The following ACOXL variants were observed in gnomAD, a reference collection of about 807,000 sequenced individuals.
The protein encoded by ACOXL is acyl-CoA oxidase like, also known as acyl-coenzyme A oxidase-like protein.
A neutral mutation model predicts 71.9 loss-of-function variants in ACOXL; 70 were observed. The observed-to-expected ratio is 0.97, with a 90% CI of 0.80 to 1.19. The LOEUF is 1.19. Among genes scored for constraint, ACOXL ranks in the 50% most tolerant of loss-of-function variants. ACOXL has a pLI of 0.00. For missense variants in ACOXL, 703 were observed against 736.3 expected (o/e 0.95, Z 0.52); for synonymous variants, 253 against 281.6 (o/e 0.90, Z 1.02).
intron 8 of ACOXL, 151 bp from the exon 9 acceptor site, chr2:110,805,112 C>G: frequency 2.0e-6 from 2 of 991,258 alleles, no homozygotes; most frequent in Non-Finnish European, 3.0e-6. Flanking sequence ...GGGACTCCCC[C>G]TGCCCTTATC....
chr2:110,783,388 A>C (rs1016091193), intron 2 of ACOXL, among the ~76,000 whole-genome samples: 1 of 152,206 alleles, frequency 6.6e-6, no homozygotes, highest in African/African-American at 2.4e-5. Flanking sequence ...TTTAGGAAAT[A>C]ATCAATACAA....
chr2:111,050,532 G>A (rs2066240480), intron 16 of ACOXL, among the ~76,000 whole-genome samples: 1 of 152,214 alleles, frequency 6.6e-6, no homozygotes, highest in Admixed American at 6.5e-5. Context: ...GGCCCTGGAT[G>A]CTCACCTCTT....
At chr2:110,963,904 T>G (rs930094685) in intron 12 of ACOXL, among the ~76,000 whole-genome samples, 1 of 152,204 alleles carries the variant, frequency 6.6e-6, no homozygotes, top group Non-Finnish European at 1.5e-5. Context: ...GAATTTTATC[T>G]TTTTGGTTTA....
Position 110,822,753 on chromosome 2 carries a change from A to G in ACOXL, c.753+17358A>G, listed in dbSNP as rs192832189. Among the ~76,000 whole-genome samples the G allele has an allele frequency of 1.1e-3, 174 of 152,244 alleles. 2 individuals carry two copies. Among genetic ancestry groups the G allele is most frequent in the African/African-American group, 4.0e-3 (166 of 41,532 alleles). ...AAATGTGTAGTTTCGTGTATCTCCC[A>G]TTAAAGTATCATAGAGAGTAGCTTC... is the stretch of plus-strand genomic sequence containing the variant. On this transcript the variant is annotated intron_variant, in intron 9 of 17. Transcript: ENST00000439055.
At position 110,995,957 on chromosome 2, in the gene ACOXL, C is replaced by T. The variant is rs150734728; in HGVS notation, c.1234C>T (p.Arg412Cys). 2,922 of 1,608,054 alleles carry T rather than the reference C, an allele frequency of 1.8e-3. 8 individuals carry two copies. The highest frequency in any genetic ancestry group is 2.4e-3 in the South Asian group (220 of 91,064). ...LAFLLKAVKF[R>C]ERVLQRGLVA... ...CTTTCTGTTGAAAGCAGTGAAATTT[C>T]GTGAAAGGGTTCTTCAGCGGGGTTT... is the stretch of plus-strand genomic sequence containing the variant. Residue 412 changes from arginine to cysteine, a missense_variant, in exon 14 of 18, where the codon CGT (arginine) becomes TGT (cysteine). Transcript: ENST00000439055.
intron 16 of ACOXL, among the ~76,000 whole-genome samples, chr2:111,050,047 C>T (rs893597188): frequency 1.3e-5 from 2 of 152,162 alleles, no homozygotes; most frequent in Non-Finnish European, 2.9e-5. Context: ...CACACAGAAA[C>T]CTTGCAGACT....
At chr2:111,029,319 T>C (rs1027651258) in intron 14 of ACOXL, among the ~76,000 whole-genome samples, 3 of 152,230 alleles carry the variant, frequency 2.0e-5, no homozygotes, top group African/African-American at 7.2e-5. Flanking sequence ...ATATTGTTTG[T>C]GCAATACATA....
rs540334610 is a variant in ACOXL, at chr2:111,089,190, C to T, written c.1441-3675C>T. On this transcript the variant is annotated intron_variant, in intron 16 of 17. Transcript: ENST00000439055. ...TGGCGTGAGCATGTAGTCCCAGCTA[C>T]TCGGGAGGCTGAGAAAGGAGAATCG... Among the ~76,000 whole-genome samples the T allele has an allele frequency of 6.5e-4, 99 of 152,252 alleles. 3 individuals carry two copies. The South Asian group carries it at 0.02, about 31-fold the overall frequency.
intron 9 of ACOXL, among the ~76,000 whole-genome samples, chr2:110,808,767 C>T (rs913893938): frequency 8.5e-5 from 13 of 152,230 alleles, no homozygotes; most frequent in African/African-American, 2.9e-4. Flanking sequence ...GTTCCTCTGA[C>T]ACCTGTTCCC....
At chr2:110,737,257 A>G (rs1676978477) in intron 1 of ACOXL, among the ~76,000 whole-genome samples, 1 of 151,316 alleles carries the variant, frequency 6.6e-6, no homozygotes, top group Admixed American at 6.6e-5. Flanking sequence ...GTGGGCCACT[A>G]CTCTCAATTC....
chr2:111,096,651 AC>A, intron 17 of ACOXL, among the ~76,000 whole-genome samples: 1 of 152,076 alleles, frequency 6.6e-6, no homozygotes, highest in East Asian at 1.9e-4. Context: ...TAATTCCGAT[AC>A]CTTAAAATCT....
intron 7 of ACOXL, among the ~76,000 whole-genome samples, chr2:110,800,755 C>T (rs964190351): frequency 6.6e-6 from 1 of 152,054 alleles, no homozygotes; most frequent in African/African-American, 2.4e-5. Context: ...CAGGCATGGC[C>T]GCAGGTGGGT....
chr2:110,918,449 C>T (rs779859426), intron 11 of ACOXL, among the ~76,000 whole-genome samples: 2 of 152,152 alleles, frequency 1.3e-5, no homozygotes, highest in Non-Finnish European at 2.9e-5. Flanking sequence ...CCATCAAAAT[C>T]CTAGAAGACA....
rs544039507 is a variant in ACOXL, at chr2:110,997,830, G to A, written c.1281+1826G>A. ...AGCACTTCGGGAGGCCAGGGCAGGCGGATTGCTTGAGCTCAGGAGACCAGC... is the reference window on the plus strand; with the variant it reads ...AGCACTTCGGGAGGCCAGGGCAGGCAGATTGCTTGAGCTCAGGAGACCAGC... On this transcript the variant is annotated intron_variant, in intron 14 of 17. Coordinates refer to ENST00000439055, the MANE Select transcript of ACOXL (RefSeq NM_001142807.4). 3.3e-5 allele frequency among the ~76,000 whole-genome samples: 5 copies of A among 152,282 alleles called. No individual in the cohort carries two copies. The South Asian group carries it at 8.3e-4, about 25-fold the overall frequency.
At chr2:110,822,094 A>G (rs944679842) in intron 9 of ACOXL, among the ~76,000 whole-genome samples, 4 of 152,064 alleles carry the variant, frequency 2.6e-5, no homozygotes, top group African/African-American at 9.7e-5. Flanking sequence ...GGTTCCTTTT[A>G]TTAAAGAATG....
At chr2:110,841,503 T>C in intron 10 of ACOXL, 98 bp downstream of exon 10, 1 of 970,356 alleles carries the variant, frequency 1.0e-6, no homozygotes, top group South Asian at 1.5e-5. Flanking sequence ...TTTTTGGTGG[T>C]TGCTTTCCTG....
intron 16 of ACOXL, among the ~76,000 whole-genome samples, chr2:111,057,259 T>C (rs1378833000): frequency 6.6e-6 from 1 of 152,172 alleles, no homozygotes; most frequent in Non-Finnish European, 1.5e-5. Context: ...TATAGAGTGT[T>C]TCAGGTGCAC....
chr2:110,973,701 G>A (rs533304908), intron 12 of ACOXL, among the ~76,000 whole-genome samples: 2 of 152,312 alleles, frequency 1.3e-5, no homozygotes, highest in South Asian at 2.1e-4. Context: ...TGACCGTGGA[G>A]AGACACTGGG....
chr2:110,741,536 GT>G (rs1677537038), intron 1 of ACOXL, among the ~76,000 whole-genome samples: 1 of 152,150 alleles, frequency 6.6e-6, no homozygotes, highest in African/African-American at 2.4e-5. Context: ...AGAACAAGAA[GT>G]TACACGTGCA....
Sources: allele counts gnomAD v4.1 joint callset (sites outside exome capture counted in the v4.1 genomes callset), GRCh38; gene constraint gnomAD v4.1.1; transcripts MANE v1.5; gene names NCBI Gene and HGNC (gene_info 2026-07-23, HGNC 2026-07-21).